CLTCL1: variants seen among roughly 807,000 people sequenced by gnomAD.
CLTCL1 encodes clathrin heavy chain like 1.
A neutral mutation model predicts 190.0 loss-of-function variants in CLTCL1; 159 were observed. The ratio of observed to expected loss-of-function variants is 0.84; its 90% CI spans 0.74 to 0.95. CLTCL1 has a LOEUF of 0.95. Ranked by LOEUF, CLTCL1 falls within the 40% of genes least tolerant of loss-of-function variation. The pLI, the probability that CLTCL1 is intolerant of heterozygous loss-of-function variation, is 0.00. For synonymous variants in CLTCL1, 752 were observed against 769.6 expected, an observed-to-expected ratio of 0.98 and a Z score of 0.38; for missense variants, 1,878 against 2,033.4, an observed-to-expected ratio of 0.92 and a Z score of 1.47.
chr22:19,208,896 G>A (rs2085132405), intron 21 of CLTCL1, 26 bp downstream of exon 21: 1 of 1,569,970 alleles, frequency 6.4e-7, no homozygotes, highest in East Asian at 2.3e-5. Context: ...GAGATGCAGA[G>A]CCCTAGGGAG....
Position 19,203,270 on chromosome 22 carries a change from G to A in CLTCL1, c.3601-1777C>T, listed in dbSNP as rs1300925983. ...GCAGAGGTTGCAGTGAGCTGAGATC[G>A]CACCACTGCACTCTAGCTTGGGAGA... On this transcript the variant is annotated intron_variant, in intron 22 of 32. Coordinates refer to ENST00000427926, the MANE Select transcript of CLTCL1 (RefSeq NM_007098.4). Among the ~76,000 whole-genome samples, 7 of 152,146 alleles carry A rather than the reference G, an allele frequency of 4.6e-5. No individual in the cohort carries two copies. The South Asian group carries it at 6.2e-4, about 14-fold the overall frequency.
chr22:19,268,675 G>A (rs28809828), intron 2 of CLTCL1, among the ~76,000 whole-genome samples: 7,276 of 152,196 alleles, frequency 0.048, 229 homozygotes, highest in African/African-American at 0.092. Context: ...CACTGGAATT[G>A]CTATAATAAA....
intron 19 of CLTCL1, among the ~76,000 whole-genome samples, chr22:19,215,332 A>T (rs2085348940): frequency 6.6e-6 from 1 of 152,242 alleles, no homozygotes; most frequent in Non-Finnish European, 1.5e-5. Flanking sequence ...GGCCTACAAA[A>T]TAAATCTCAT....
chr22:19,276,863 G>T (rs782815044), intron 1 of CLTCL1, among the ~76,000 whole-genome samples: 1 of 151,906 alleles, frequency 6.6e-6, no homozygotes, highest in Non-Finnish European at 1.5e-5. Context: ...TAGTAGAGAC[G>T]GGGTTTCACC....
intron 11 of CLTCL1, among the ~76,000 whole-genome samples, chr22:19,228,732 C>T (rs977156430): frequency 6.6e-6 from 1 of 152,042 alleles, no homozygotes; most frequent in Non-Finnish European, 1.5e-5. Flanking sequence ...CACTTAGTAC[C>T]GTGGTGAACA....
chr22:19,266,198 G>A (rs2087119698), intron 2 of CLTCL1, among the ~76,000 whole-genome samples: 1 of 151,780 alleles, frequency 6.6e-6, no homozygotes, highest in African/African-American at 2.4e-5. Flanking sequence ...CTTAGTTAAT[G>A]ATCAAGAAAA....
At chr22:19,200,849 AAAAC>A (rs1555938858) in intron 23 of CLTCL1, among the ~76,000 whole-genome samples, 3 of 152,158 alleles carry the variant, frequency 2.0e-5, no homozygotes. Flanking sequence ...CTCAAAAACA[AAAAC>A]AAAACAAACA....
At chr22:19,184,647 C>A in intron 29 of CLTCL1, 1 of 445,068 alleles carries the variant, frequency 2.2e-6, no homozygotes, top group Non-Finnish European at 4.5e-6. Flanking sequence ...GTGCCCTCCA[C>A]CGGCCCAGCC....
intron 10 of CLTCL1, among the ~76,000 whole-genome samples, chr22:19,231,779 A>G (rs1426344628): frequency 6.6e-6 from 1 of 152,232 alleles, no homozygotes; most frequent in African/African-American, 2.4e-5. Flanking sequence ...TATGAACTGT[A>G]AACAAGATGT....
intron 3 of CLTCL1, 83 bp from the exon 4 acceptor site, chr22:19,243,019 A>G (rs1290454531): frequency 7.5e-7 from 1 of 1,333,978 alleles, no homozygotes; most frequent in Non-Finnish European, 1.0e-6. Context: ...TTCTAAAATG[A>G]AAGTCTCATA....
At chr22:19,206,497 C>T (rs1260746985) in intron 22 of CLTCL1, among the ~76,000 whole-genome samples, 1 of 152,222 alleles carries the variant, frequency 6.6e-6, no homozygotes, top group East Asian at 1.9e-4. Flanking sequence ...CTTTCCACCT[C>T]TATCTCCAGA....
In CLTCL1 at chr22:19,185,600, A is replaced by G. The variant is rs9618503; in HGVS notation, c.4605+1958T>C. Among the ~76,000 whole-genome samples, 431 of 152,160 alleles carry G rather than the reference A, an allele frequency of 2.8e-3. 5 individuals are homozygous for G. Among genetic ancestry groups the G allele is most frequent in the African/African-American group, 9.9e-3 (410 of 41,508 alleles). ...CTCGGCCTCCCAAAGTGCTGGGATT[A>G]CAGGCATGAGCCAACGCGCCCGGCC... On this transcript the variant is annotated intron_variant, in intron 29 of 32. Transcript: ENST00000427926.
intron 15 of CLTCL1, 121 bp downstream of exon 15, chr22:19,222,563 C>G: frequency 8.2e-7 from 1 of 1,215,748 alleles, no homozygotes; most frequent in Non-Finnish European, 1.2e-6. Context: ...CACACGAACC[C>G]ACCACCCTTC....
intron 3 of CLTCL1, among the ~76,000 whole-genome samples, chr22:19,251,298 A>ATTGAT (rs1287566873): frequency 6.6e-6 from 1 of 152,100 alleles, no homozygotes; most frequent in Non-Finnish European, 1.5e-5. Context: ...TAGGAACACA[A>ATTGAT]TTGATGTTTG....
At chr22:19,220,073 A>T in intron 17 of CLTCL1, 66 bp from the exon 18 acceptor site, 8 of 1,602,714 alleles carry the variant, frequency 5.0e-6, no homozygotes, top group Non-Finnish European at 6.8e-6. Flanking sequence ...GGGAGGACAC[A>T]CCCCAATTCG....
rs564856418 is a variant in CLTCL1, at chr22:19,202,529, C to G, written c.3601-1036G>C. ...TCCTTCCGCCATCACGGCACCTCCC[C>G]CACCACCCCTCCTTCTGTCATCCAT... On this transcript the variant is annotated intron_variant, in intron 22 of 32. Coordinates refer to ENST00000427926, the MANE Select transcript of CLTCL1 (RefSeq NM_007098.4). 1.4e-3 allele frequency among the ~76,000 whole-genome samples: 162 copies of G among 113,544 alleles called. 4 individuals are homozygous for G. Among genetic ancestry groups the G allele is most frequent in the East Asian group, 4.2e-3 (14 of 3,334 alleles). 74.5% of individuals were successfully genotyped at this position (113,544 alleles called of 152,430 possible).
intron 3 of CLTCL1, chr22:19,249,934 C>T (rs1482759449): frequency 2.7e-5 from 12 of 436,412 alleles, no homozygotes; most frequent in Admixed American, 2.5e-4. Flanking sequence ...TAAGGTTTTT[C>T]GTGGCATATT....
chr22:19,282,777 T>C (rs2087765690), intron 1 of CLTCL1, among the ~76,000 whole-genome samples: 1 of 151,886 alleles, frequency 6.6e-6, no homozygotes, highest in Non-Finnish European at 1.5e-5. Flanking sequence ...CCATCTAAGA[T>C]GCCAGATACT....
At chr22:19,272,845 A>T (rs1569247594) in intron 2 of CLTCL1, among the ~76,000 whole-genome samples, 1 of 152,034 alleles carries the variant, frequency 6.6e-6, no homozygotes. Context: ...GTGGCACGAT[A>T]ATAGCTCACT....
Sources: allele counts gnomAD v4.1 joint callset (sites outside exome capture counted in the v4.1 genomes callset), GRCh38; gene constraint gnomAD v4.1.1; transcripts MANE v1.5; gene names NCBI Gene and HGNC (gene_info 2026-07-23, HGNC 2026-07-21).